NELL1: variants seen among roughly 807,000 people sequenced by gnomAD.
The protein encoded by NELL1 is neural EGFL like 1.
NELL1 carries 76 observed loss-of-function variants against 107.4 expected under a neutral mutation model. That is an observed-to-expected ratio of 0.71 (90% confidence interval 0.59 to 0.86). The LOEUF is 0.86. NELL1 is among the 40% of genes least tolerant of loss of function. NELL1 has a pLI of 0.00. For synonymous variants in NELL1, 353 were observed against 341.2 expected (o/e 1.03, Z -0.38); for missense variants, 1,024 against 1,005.5 (o/e 1.02, Z -0.25).
chr11:21,094,305 C>T (rs1854589863), intron 12 of NELL1, among the ~76,000 whole-genome samples: 1 of 152,206 alleles, frequency 6.6e-6, no homozygotes, highest in South Asian at 2.1e-4. Context: ...CAGCTCTGAC[C>T]CTGTGGCTTT....
intron 12 of NELL1, among the ~76,000 whole-genome samples, chr11:21,089,720 A>G (rs76064387): frequency 0.013 from 2,048 of 152,326 alleles, 54 homozygotes; most frequent in African/African-American, 0.047. Context: ...ATTGGCAATC[A>G]TTCTATAGGG....
chr11:21,224,519 C>T (rs1857843998), intron 13 of NELL1, among the ~76,000 whole-genome samples: 1 of 152,070 alleles, frequency 6.6e-6, no homozygotes, highest in African/African-American at 2.4e-5. Context: ...CCATGCCCAG[C>T]CTATGGCTAT....
intron 12 of NELL1, among the ~76,000 whole-genome samples, chr11:21,102,726 C>T (rs1854851966): frequency 6.6e-6 from 1 of 152,136 alleles, no homozygotes; most frequent in Non-Finnish European, 1.5e-5. Context: ...CTACTTCCCA[C>T]CTTTTGCATG....
chr11:21,009,815 C>A (rs776654878), intron 12 of NELL1, among the ~76,000 whole-genome samples: 1 of 152,142 alleles, frequency 6.6e-6, no homozygotes, highest in South Asian at 2.1e-4. Context: ...GCTTCCTTAA[C>A]GAGCGTGTGC....
chr11:21,571,615 T>G (rs183647131), intron 18 of NELL1, among the ~76,000 whole-genome samples: 17 of 148,292 alleles, frequency 1.1e-4, no homozygotes, highest in Middle Eastern at 3.4e-3. Context: ...TTTCAGATAC[T>G]ACATGTTTAA....
At chr11:20,720,869 G>GT (rs1244876717) in intron 2 of NELL1, among the ~76,000 whole-genome samples, 1 of 152,102 alleles carries the variant, frequency 6.6e-6, no homozygotes, top group Admixed American at 6.5e-5. Context: ...TCTAAACAAA[G>GT]TAACATTCTG....
intron 1 of NELL1, among the ~76,000 whole-genome samples, chr11:20,677,054 A>C (rs1325544026): frequency 6.6e-6 from 1 of 152,188 alleles, no homozygotes; most frequent in Non-Finnish European, 1.5e-5. Context: ...TGTCTTTCTC[A>C]AACAAGGGAA....
chr11:20,720,117 G>A (rs992145100), intron 2 of NELL1, among the ~76,000 whole-genome samples: 1 of 151,452 alleles, frequency 6.6e-6, no homozygotes, highest in Non-Finnish European at 1.5e-5. Flanking sequence ...ATGAGAAAAC[G>A]TTGTTGCTTT....
intron 4 of NELL1, among the ~76,000 whole-genome samples, chr11:20,881,863 G>C (rs984477420): frequency 6.6e-6 from 1 of 152,182 alleles, no homozygotes; most frequent in African/African-American, 2.4e-5. Context: ...CCCATAGCCA[G>C]CACAGCACAG....
chr11:21,354,333 T>G (rs1312801450), intron 14 of NELL1, among the ~76,000 whole-genome samples: 3 of 152,260 alleles, frequency 2.0e-5, no homozygotes, highest in Non-Finnish European at 2.9e-5. Flanking sequence ...ATTGTTTGTA[T>G]TATTCCTCTT....
At position 21,218,364 on chromosome 11, in the gene NELL1, A is replaced by T. The variant is rs147588287; in HGVS notation, c.1427-10968A>T. On this transcript the variant is annotated intron_variant, in intron 13 of 19. Coordinates refer to ENST00000357134, the MANE Select transcript of NELL1 (RefSeq NM_006157.5). Reference sequence around the variant, plus strand: ...TTTTTAAATTTTTTTAAAAATTGACATGTAGTAAGTGTACATATTTATAAG... The same window carrying T: ...TTTTTAAATTTTTTTAAAAATTGACTTGTAGTAAGTGTACATATTTATAAG... Among the ~76,000 whole-genome samples, 463 of 152,308 alleles carry T rather than the reference A, an allele frequency of 3.0e-3. 4 individuals are homozygous for T. Among genetic ancestry groups the T allele is most frequent in the African/African-American group, 0.011 (451 of 41,580 alleles).
chr11:21,546,332 T>C (rs1449153246), intron 16 of NELL1, among the ~76,000 whole-genome samples: 2 of 152,034 alleles, frequency 1.3e-5, no homozygotes, highest in Non-Finnish European at 2.9e-5. Context: ...GTGTGAGCAA[T>C]TGTTTCATTA....
chr11:21,499,670 A>G (rs1333764528), intron 15 of NELL1, among the ~76,000 whole-genome samples: 1 of 152,108 alleles, frequency 6.6e-6, no homozygotes, highest in African/African-American at 2.4e-5. Context: ...TATAAAGATA[A>G]GAATTCTTCT....
chr11:21,552,183 T>C (rs1158675737), intron 16 of NELL1, among the ~76,000 whole-genome samples: 2 of 149,914 alleles, frequency 1.3e-5, no homozygotes, highest in Non-Finnish European at 3.0e-5. Flanking sequence ...ATATACCTAA[T>C]GCTAAATGAC....
intron 14 of NELL1, among the ~76,000 whole-genome samples, chr11:21,338,043 T>C (rs1353764427): frequency 6.6e-6 from 1 of 152,028 alleles, no homozygotes; most frequent in Non-Finnish European, 1.5e-5. Context: ...CCTGCTATTC[T>C]GTGACAGGTT....
In NELL1 at chr11:21,550,291, G is replaced by A. The variant is rs182422258; in HGVS notation, c.1787-9898G>A. 2.8e-3 allele frequency among the ~76,000 whole-genome samples: 432 copies of A among 152,032 alleles called. 2 individuals are homozygous for A. Among genetic ancestry groups the A allele is most frequent in the African/African-American group, 9.9e-3 (410 of 41,488 alleles). On this transcript the variant is annotated intron_variant, in intron 16 of 19. Transcript: ENST00000357134. Reference sequence around the variant, plus strand: ...AAAATTTTCTCCCATTTTGTAGGTTGCCTGTTCACTCTGATGGTAGTTTCT... The same window carrying A: ...AAAATTTTCTCCCATTTTGTAGGTTACCTGTTCACTCTGATGGTAGTTTCT...
At chr11:21,565,004 T>C (rs1052307886) in intron 17 of NELL1, among the ~76,000 whole-genome samples, 3 of 151,938 alleles carry the variant, frequency 2.0e-5, no homozygotes, top group South Asian at 2.1e-4. Context: ...TTCCTAAGAA[T>C]AGGACTTACT....
chr11:21,401,808 A>G (rs1169551711), intron 15 of NELL1, among the ~76,000 whole-genome samples: 4 of 151,762 alleles, frequency 2.6e-5, no homozygotes, highest in Non-Finnish European at 5.9e-5. Flanking sequence ...TCTGCCTGCC[A>G]ATGACTGTGA....
intron 15 of NELL1, among the ~76,000 whole-genome samples, chr11:21,457,993 T>G (rs1435482630): frequency 4.7e-5 from 7 of 147,420 alleles, no homozygotes; most frequent in Non-Finnish European, 4.5e-5. Context: ...GGTAAAAGAC[T>G]AATTGAGATG....
Sources: allele counts gnomAD v4.1 joint callset (sites outside exome capture counted in the v4.1 genomes callset), GRCh38; gene constraint gnomAD v4.1.1; transcripts MANE v1.5; gene names NCBI Gene and HGNC (gene_info 2026-07-23, HGNC 2026-07-21).